Variants in NTM observed in about 807,000 individuals in gnomAD.
NTM encodes the protein IgLON family member 2.
Under a neutral mutation model 42.1 loss-of-function variants are expected in NTM, and 13 were observed. The ratio of observed to expected loss-of-function variants is 0.31; its 90% CI spans 0.20 to 0.49. The LOEUF is 0.49. NTM is among the 20% of genes least tolerant of loss of function. NTM has a pLI of 0.99. For synonymous variants in NTM, 187 were observed against 179.2 expected (o/e 1.04, Z -0.35); for missense variants, 373 against 452.8 (o/e 0.82, Z 1.60).
At position 132,099,958 on chromosome 11, in the gene NTM, C is replaced by T. The variant is rs1318892851; in HGVS notation, c.168-46324C>T. Among the ~76,000 whole-genome samples the T allele has an allele frequency of 2.6e-5, 4 of 152,084 alleles. No individual in the cohort carries two copies. In the East Asian group the frequency reaches 5.8e-4, roughly 22 times the overall value. On this transcript the variant is annotated intron_variant, in intron 2 of 8. Coordinates refer to ENST00000683400, the MANE Select transcript of NTM (RefSeq NM_001352005.2). ...CTTTTCTTCCTCTTTCATTTCCTTCCCCCACTTTGCACCATTGAGATCCCT... is the reference window on the plus strand; with the variant it reads ...CTTTTCTTCCTCTTTCATTTCCTTCTCCCACTTTGCACCATTGAGATCCCT...
rs898453934 is a variant in NTM at position 131,830,428 on chromosome 11, T to C, written c.83-81136T>C. On this transcript the variant is annotated intron_variant, in intron 1 of 8. Transcript: ENST00000683400. ...AACATGATTTATTAATAGTGAGTCC[T>C]TTCCCCATTGCTTGTTTTTGTCGAC... Among the ~76,000 whole-genome samples, 11 of 152,336 alleles carry C rather than the reference T, an allele frequency of 7.2e-5. 1 individual carries two copies. Among genetic ancestry groups the C allele is most frequent in the African/African-American group, 2.6e-4 (11 of 41,584 alleles).
At chr11:131,414,985 C>A (rs1946796311) in intron 1 of NTM, among the ~76,000 whole-genome samples, 1 of 152,178 alleles carries the variant, frequency 6.6e-6, no homozygotes, top group Admixed American at 6.5e-5. Context: ...GCTTCTGACT[C>A]CTAGTGTGAA....
In NTM at chr11:132,150,114, C is replaced by T. The variant is rs116517724; in HGVS notation, c.400+3600C>T. ...GAGAGGGCCTCAGAATGCTTCTATT[C>T]GTGGCATGGCGTGAAGGGGACCCAG... On this transcript the variant is annotated intron_variant, in intron 3 of 8. Coordinates refer to ENST00000683400, the MANE Select transcript of NTM (RefSeq NM_001352005.2). Among the ~76,000 whole-genome samples, 531 of 152,202 alleles carry T rather than the reference C, an allele frequency of 3.5e-3. 3 individuals carry two copies. The highest frequency in any genetic ancestry group is 0.012 in the African/African-American group (508 of 41,530).
At chr11:131,443,386 G>C (rs1949778259) in intron 1 of NTM, among the ~76,000 whole-genome samples, 1 of 152,204 alleles carries the variant, frequency 6.6e-6, no homozygotes, top group African/African-American at 2.4e-5. Flanking sequence ...TGGAGAATAA[G>C]AGAAAAGTCG....
intron 4 of NTM, among the ~76,000 whole-genome samples, chr11:132,260,362 C>T (rs2139524387): frequency 6.6e-6 from 1 of 152,014 alleles, no homozygotes; most frequent in African/African-American, 2.4e-5. Flanking sequence ...GACAGTGTAA[C>T]TATTTTTGTA....
chr11:131,522,699 C>T (rs1020488940), intron 1 of NTM, among the ~76,000 whole-genome samples: 2 of 152,322 alleles, frequency 1.3e-5, no homozygotes, highest in African/African-American at 4.8e-5. Context: ...TTCAGGAAAA[C>T]TTCAAGTGTC....
intron 2 of NTM, among the ~76,000 whole-genome samples, chr11:132,134,138 G>T (rs932819663): frequency 1.3e-5 from 2 of 152,052 alleles, no homozygotes; most frequent in African/African-American, 2.4e-5. Flanking sequence ...GCCCTGGCTT[G>T]TCTTGAACTC....
intron 1 of NTM, among the ~76,000 whole-genome samples, chr11:131,507,638 T>A (rs1274208545): frequency 2.1e-4 from 32 of 149,378 alleles, no homozygotes; most frequent in Non-Finnish European, 7.4e-5. Context: ...ATCTGTAAAT[T>A]ACCTTGGGCA....
chr11:131,648,408 T>G (rs184010400), intron 1 of NTM, among the ~76,000 whole-genome samples: 1 of 152,314 alleles, frequency 6.6e-6, no homozygotes, highest in Non-Finnish European at 1.5e-5. Flanking sequence ...TTTTCAGCTC[T>G]TTGAGGAATC....
At chr11:132,045,628 G>A (rs1374449837) in intron 2 of NTM, among the ~76,000 whole-genome samples, 3 of 152,114 alleles carry the variant, frequency 2.0e-5, no homozygotes, top group African/African-American at 4.8e-5. Flanking sequence ...AGAAAGGTAC[G>A]GGATATACTT....
At position 131,620,355 on chromosome 11, in the gene NTM, C is replaced by T. The variant is rs138230755; in HGVS notation, c.82+249467C>T. ...TTCCTACCTCTTCCCATCTCCCTTC[C>T]TATTCACTACTCATGAGGCAGAATG... On this transcript the variant is annotated intron_variant, in intron 1 of 8. Coordinates refer to ENST00000683400, the MANE Select transcript of NTM (RefSeq NM_001352005.2). Among the ~76,000 whole-genome samples the T allele has an allele frequency of 1.6e-4, 25 of 152,296 alleles. 1 individual carries two copies. The highest frequency in any genetic ancestry group is 5.5e-4 in the African/African-American group (23 of 41,556).
chr11:131,830,567 T>C (rs2042696017), intron 1 of NTM, among the ~76,000 whole-genome samples: 1 of 131,476 alleles, frequency 7.6e-6, no homozygotes, highest in Admixed American at 7.8e-5. Context: ...TGGGTTACTG[T>C]AGCCCTGTAG....
intron 1 of NTM, among the ~76,000 whole-genome samples, chr11:131,758,945 C>T (rs1220472711): frequency 2.0e-5 from 3 of 152,096 alleles, no homozygotes; most frequent in African/African-American, 2.4e-5. Context: ...TCAAAGAAGC[C>T]GTGACTCTTT....
intron 1 of NTM, among the ~76,000 whole-genome samples, chr11:131,440,200 C>G (rs1208968195): frequency 1.3e-5 from 2 of 151,930 alleles, no homozygotes; most frequent in East Asian, 1.9e-4. Context: ...AAAATTTAAC[C>G]TATAACTTCT....
At chr11:131,993,837 A>G (rs958058867) in intron 2 of NTM, among the ~76,000 whole-genome samples, 1 of 151,940 alleles carries the variant, frequency 6.6e-6, no homozygotes, top group Non-Finnish European at 1.5e-5. Context: ...CCCCATCTCT[A>G]CTAAAAATAC....
chr11:131,765,001 A>G (rs1286806946), intron 1 of NTM, among the ~76,000 whole-genome samples: 1 of 152,164 alleles, frequency 6.6e-6, no homozygotes, highest in East Asian at 1.9e-4. Context: ...GAACCTTAGA[A>G]GACATGCCAA....
chr11:132,265,018 G>C (rs117092131), intron 4 of NTM, among the ~76,000 whole-genome samples: 2 of 152,148 alleles, frequency 1.3e-5, no homozygotes, highest in South Asian at 4.1e-4. Context: ...GGGGATGAAG[G>C]TTCCACCACA....
chr11:131,538,801 G>T (rs1228089970), intron 1 of NTM, among the ~76,000 whole-genome samples: 4 of 151,918 alleles, frequency 2.6e-5, no homozygotes, highest in African/African-American at 9.7e-5. Flanking sequence ...GAGCTCTATT[G>T]TACAGCATGG....
At chr11:131,704,005 T>C (rs789525) in intron 1 of NTM, among the ~76,000 whole-genome samples, 30,582 of 152,062 alleles carry the variant, frequency 0.2, 3,364 homozygotes, top group African/African-American at 0.27. Flanking sequence ...CAGCACCCGA[T>C]CAGCACTAGT....
Sources: gnomAD v4.1 joint callset for allele counts (sites outside exome capture counted in the v4.1 genomes callset) on GRCh38, gnomAD v4.1.1 for gene constraint, MANE v1.5 for transcripts, NCBI Gene and HGNC (gene_info 2026-07-23, HGNC 2026-07-21) for gene names.